The following METTL5 variants were observed in gnomAD, a reference collection of about 807,000 sequenced individuals.
METTL5 encodes rRNA N(6)-adenosine-methyltransferase METTL5.
In METTL5, 28 loss-of-function variants were observed where a neutral mutation model predicts 26.5. The ratio of observed to expected loss-of-function variants is 1.06; its 90% CI spans 0.78 to 1.45. METTL5 has a LOEUF of 1.45. Ranked by LOEUF, METTL5 falls within the 40% of genes most tolerant of loss-of-function variation. METTL5 has a pLI of 0.00. For synonymous variants in METTL5, 86 were observed against 82.6 expected (o/e 1.04, Z -0.22); for missense variants, 231 against 249.9 (o/e 0.92, Z 0.51).
chr2:169,813,849 G>A (rs1246405157), intron 5 of METTL5, among the ~76,000 whole-genome samples: 1 of 152,072 alleles, frequency 6.6e-6, no homozygotes, highest in African/African-American at 2.4e-5. Flanking sequence ...CTGGGCAACA[G>A]AGGGAGACTC....
chr2:169,822,117 C>T, intron 1 of METTL5, 60 bp from the exon 2 acceptor site: 1 of 1,549,326 alleles, frequency 6.5e-7, no homozygotes, highest in South Asian at 1.2e-5. Flanking sequence ...CTAATTTGTG[C>T]AAATGACTCT....
At chr2:169,824,124 A>T (rs1180792539) in intron 1 of METTL5, 1 of 186,702 alleles carries the variant, frequency 5.4e-6, no homozygotes, top group African/African-American at 2.3e-5. Flanking sequence ...TTATTTAGTA[A>T]ATGTTTACTG....
chr2:169,812,560 CCTTGA>C (rs1444631559), intron 5 of METTL5, 54 bp from the exon 6 acceptor site: 3 of 1,564,676 alleles, frequency 1.9e-6, no homozygotes, highest in Non-Finnish European at 2.6e-6. Flanking sequence ...CGTTTACCAC[CCTTGA>C]CTAAACAACA....
Position 169,824,481 on chromosome 2 carries a change from C to T in METTL5, c.109+8G>A, listed in dbSNP as rs748584413. The stretch of plus-strand genomic sequence containing the variant: ...GAAAGCCGGGGCGTGGTGAACCAGC[C>T]GCCCTACCTGCAATGTGCGGCCTGG... On this transcript the variant is annotated splice_region_variant and intron_variant, in intron 1 of 6. Transcript: ENST00000260953. The T allele has an allele frequency of 6.2e-7, 1 of 1,609,558 alleles. No homozygotes were observed. Among genetic ancestry groups the T allele is most frequent in the East Asian group, 2.2e-5 (1 of 44,866 alleles).
intron 4 of METTL5, among the ~76,000 whole-genome samples, chr2:169,819,033 A>G (rs2081547319): frequency 6.6e-6 from 1 of 152,222 alleles, no homozygotes; most frequent in African/African-American, 2.4e-5. Flanking sequence ...GTTCCTAACT[A>G]TTGTGTTATA....
At chr2:169,824,441 G>T in intron 1 of METTL5, 48 bp downstream of exon 1, 1 of 1,328,448 alleles carries the variant, frequency 7.5e-7, no homozygotes, top group Non-Finnish European at 1.1e-6. Context: ...TCACAGAGTA[G>T]ACTGGACTAA....
intron 5 of METTL5, 91 bp from the exon 6 acceptor site, chr2:169,812,597 A>T: frequency 7.2e-7 from 1 of 1,388,190 alleles, no homozygotes; most frequent in Non-Finnish European, 9.9e-7. Flanking sequence ...AACTAAGAAA[A>T]GTGTTAAGTG....
intron 4 of METTL5, among the ~76,000 whole-genome samples, chr2:169,818,915 C>T (rs1018367429): frequency 1.4e-4 from 21 of 152,142 alleles, no homozygotes; most frequent in African/African-American, 5.1e-4. Flanking sequence ...ATGACAAAAG[C>T]TCAATTACCT....
At chr2:169,815,305 A>C (rs1380738737) in intron 5 of METTL5, among the ~76,000 whole-genome samples, 172 bp downstream of exon 5, 1 of 152,236 alleles carries the variant, frequency 6.6e-6, no homozygotes, top group Non-Finnish European at 1.5e-5. Context: ...AAATTAGGAC[A>C]GTCTCAGGCT....
At chr2:169,823,840 AT>A (rs956627649) in intron 1 of METTL5, among the ~76,000 whole-genome samples, 9 of 151,550 alleles carry the variant, frequency 5.9e-5, no homozygotes, top group South Asian at 4.2e-4. Flanking sequence ...TAATAATAAA[AT>A]TTTTTTCCCC....
chr2:169,812,678 T>C (rs2105708789), intron 5 of METTL5, 172 bp from the exon 6 acceptor site: 1 of 630,236 alleles, frequency 1.6e-6, no homozygotes, highest in East Asian at 3.0e-5. Flanking sequence ...GCATTAGCCA[T>C]GGCAGCTTGG....
chr2:169,817,002 G>A (rs6433147), intron 4 of METTL5, among the ~76,000 whole-genome samples: 150,683 of 152,326 alleles, frequency 0.99, 74,549 homozygotes, highest in Middle Eastern at 1. Flanking sequence ...TGAACAGGCA[G>A]CCTACAGAAT....
intron 2 of METTL5, 115 bp from the exon 3 acceptor site, chr2:169,821,388 GTA>G (rs1209722546): frequency 1.4e-4 from 97 of 706,836 alleles, no homozygotes; most frequent in Non-Finnish European, 2.0e-4. Context: ...AATTAGCAAA[GTA>G]AGAGTGAGTG....
chr2:169,811,949 T>C (rs1689973967), intron 6 of METTL5, 91 bp from the exon 7 acceptor site: 1 of 1,386,728 alleles, frequency 7.2e-7, no homozygotes, highest in East Asian at 2.3e-5. Flanking sequence ...GTTTGTGTTA[T>C]TTCAGATGAT....
intron 6 of METTL5, 102 bp from the exon 7 acceptor site, chr2:169,811,960 TC>T: frequency 1.5e-6 from 2 of 1,306,296 alleles, no homozygotes; most frequent in Non-Finnish European, 2.1e-6. Flanking sequence ...TTCAGATGAT[TC>T]AAATATCAAA....
At chr2:169,814,423 G>A (rs1432349430) in intron 5 of METTL5, among the ~76,000 whole-genome samples, 1 of 117,558 alleles carries the variant, frequency 8.5e-6, no homozygotes, top group Admixed American at 1.2e-4. Context: ...GGAGGTGGAG[G>A]TTGCCACTGC....
rs1180743362 is a variant in METTL5 at position 169,821,157 on chromosome 2, T to A, written c.341A>T (p.Asn114Ile). 1 of 1,612,384 alleles carries A rather than the reference T, an allele frequency of 6.2e-7. No individual in the cohort carries two copies. The highest frequency in any genetic ancestry group is 2.2e-5 in the East Asian group (1 of 44,840). ...TGTATCGAATGACTTGGACATTCTG[T>A]TAGATAATAAGCACACATCACATTG... ...MVQCDVCLLS[N>I]RMSKSFDTVI... Residue 114 changes from asparagine to isoleucine, a missense_variant, in exon 3 of 7, where the codon AAC becomes ATC. By Grantham distance (149) the Asn-to-Ile change is moderately radical. Transcript: ENST00000260953.
chr2:169,814,279 G>T (rs747167562), intron 5 of METTL5, among the ~76,000 whole-genome samples: 12 of 151,744 alleles, frequency 7.9e-5, no homozygotes, highest in Non-Finnish European at 1.5e-4. Flanking sequence ...CTGAGGTCAG[G>T]AGTTCAAGAC....
At chr2:169,815,555 A>G (rs759734530) in intron 4 of METTL5, 27 bp from the exon 5 acceptor site, 2 of 1,526,682 alleles carry the variant, frequency 1.3e-6, no homozygotes, top group South Asian at 2.5e-5. Flanking sequence ...TGTTGTTATG[A>G]GCTGATTTTT....
Sources: allele counts gnomAD v4.1 joint callset (sites outside exome capture counted in the v4.1 genomes callset), GRCh38; gene constraint gnomAD v4.1.1; transcripts MANE v1.5; gene names NCBI Gene and HGNC (gene_info 2026-07-23, HGNC 2026-07-21).